Variants in ATP11A observed in about 807,000 individuals in gnomAD.
The protein encoded by ATP11A is ATPase phospholipid transporting 11A.
Under a neutral mutation model 154.4 loss-of-function variants are expected in ATP11A, and 81 were observed. That is an observed-to-expected ratio of 0.52 (90% CI 0.44 to 0.63). The LOEUF (loss-of-function observed/expected upper bound fraction) is 0.63, where lower values mean the gene tolerates loss of function less well. Among genes scored for constraint, ATP11A ranks in the 30% least tolerant of loss-of-function variants. The pLI is 0.00. For missense variants in ATP11A, 1,316 were observed against 1,474.3 expected (o/e 0.89, Z 1.76); for synonymous variants, 623 against 585.9 (o/e 1.06, Z -0.91).
At chr13:112,880,170 A>C (rs1278767) in intron 29 of ATP11A, 154,476 of 154,478 alleles carry the variant, frequency 1, 77,237 homozygotes, top group Non-Finnish European at 1. Flanking sequence ...TAGAGCGGTT[A>C]CTGGAGCTCG....
At chr13:112,801,567 A>C (rs2078132906) in intron 2 of ATP11A, among the ~76,000 whole-genome samples, 1 of 152,258 alleles carries the variant, frequency 6.6e-6, no homozygotes, top group African/African-American at 2.4e-5. Context: ...ATAACAAAAA[A>C]ACTTCTGGAT....
intron 1 of ATP11A, chr13:112,745,335 G>A (rs1892008333): frequency 6.6e-6 from 1 of 152,264 alleles, no homozygotes; most frequent in Admixed American, 6.5e-5. Flanking sequence ...AAAGTGTGGG[G>A]ATTACAGGCG....
intron 2 of ATP11A, among the ~76,000 whole-genome samples, chr13:112,803,793 CTT>C (rs2078210370): frequency 9.4e-6 from 1 of 106,100 alleles, no homozygotes; most frequent in African/African-American, 4.0e-5. Context: ...CCCTCCCTGC[CTT>C]ACTTCCCCTC....
At chr13:112,779,890 G>A (rs2077456140) in intron 1 of ATP11A, among the ~76,000 whole-genome samples, 1 of 151,230 alleles carries the variant, frequency 6.6e-6, no homozygotes, top group African/African-American at 2.4e-5. Context: ...GGTGATGAGA[G>A]CAAAACTCTG....
At chr13:112,797,763 A>G (rs2078038827) in intron 2 of ATP11A, among the ~76,000 whole-genome samples, 1 of 152,262 alleles carries the variant, frequency 6.6e-6, no homozygotes, top group Non-Finnish European at 1.5e-5. Context: ...CCTCCCTTGC[A>G]AGAAATGTTA....
At chr13:112,763,010 A>G (rs189197025) in intron 1 of ATP11A, among the ~76,000 whole-genome samples, 2 of 152,322 alleles carry the variant, frequency 1.3e-5, no homozygotes, top group Admixed American at 1.3e-4. Flanking sequence ...TTAATTTCAA[A>G]AAGCATTTGA....
intron 1 of ATP11A, among the ~76,000 whole-genome samples, chr13:112,752,481 C>T (rs922404486): frequency 9.2e-5 from 14 of 152,116 alleles, no homozygotes; most frequent in Non-Finnish European, 1.6e-4. Context: ...GCCTGGTGGG[C>T]GCCCCTGTGC....
chr13:112,757,816 G>A (rs1013317880), intron 1 of ATP11A, among the ~76,000 whole-genome samples: 1 of 152,194 alleles, frequency 6.6e-6, no homozygotes, highest in Non-Finnish European at 1.5e-5. Context: ...TGAGTGTTTC[G>A]CTGCAGTCTG....
At position 112,825,441 on chromosome 13, in the gene ATP11A, C is replaced by T. The variant is rs1417105477; in HGVS notation, c.884C>T (p.Ala295Val). Residue 295 changes from alanine to valine, a missense_variant, in exon 11 of 30, where the codon GCG (alanine) becomes GTG (valine). Physicochemically the swap from Ala to Val is moderately conservative, Grantham distance 64. Transcript: ENST00000375645. The part of the protein sequence containing the change: ...KRSAVEKSMN[A>V]FLIVYLCILI... The stretch of plus-strand genomic sequence containing the variant: ...TCCTTTTGTTTTAGATCGATGAATG[C>T]GTTCCTCATTGTGTATCTCTGCATT... 10 of 1,610,798 alleles carry T rather than the reference C, an allele frequency of 6.2e-6. No individual in the cohort carries two copies. Among genetic ancestry groups the T allele is most frequent in the Non-Finnish European group, 4.2e-6 (5 of 1,178,546 alleles).
rs1183906193 is a variant in ATP11A at position 112,842,281 on chromosome 13, A to C, written c.1711A>C (p.Ile571Leu). The C allele has an allele frequency of 6.8e-6, 11 of 1,607,906 alleles. No individual in the cohort carries two copies. Among genetic ancestry groups the C allele is most frequent in the Middle Eastern group, 1.6e-4 (1 of 6,080 alleles). Residue 571 changes from isoleucine (I) to leucine (L), a missense_variant, in exon 17 of 30, where the codon ATT becomes CTT. By Grantham distance (5) the Ile-to-Leu change is conservative. Transcript: ENST00000375645. The stretch of plus-strand genomic sequence containing the variant: ...TCATTTTTCTCATTTTGTAGGAGAA[A>C]TTTATCTGTTTTGCAAAGGAGCAGA... ...SVIVKSATGE[I>L]YLFCKGADSS...
chr13:112,864,098 C>T (rs1334101143), intron 25 of ATP11A, among the ~76,000 whole-genome samples: 8 of 86,422 alleles, frequency 9.3e-5, no homozygotes, highest in Admixed American at 1.4e-4. Context: ...TCAGCGGGGT[C>T]CATCACCACC....
intron 1 of ATP11A, among the ~76,000 whole-genome samples, chr13:112,771,828 CAACA>C (rs1364673592): frequency 6.6e-6 from 1 of 152,174 alleles, no homozygotes; most frequent in Non-Finnish European, 1.5e-5. Context: ...AAACACTCCA[CAACA>C]AACAAAGTAA....
chr13:112,693,794 A>T (rs1221652734), intron 1 of ATP11A, among the ~76,000 whole-genome samples: 1 of 152,148 alleles, frequency 6.6e-6, no homozygotes, highest in East Asian at 1.9e-4. Flanking sequence ...TCTACTAAAA[A>T]TACAAAAATT....
intron 17 of ATP11A, among the ~76,000 whole-genome samples, chr13:112,844,887 C>T (rs1482802875): frequency 1.3e-5 from 2 of 151,618 alleles, no homozygotes; most frequent in Non-Finnish European, 2.9e-5. Context: ...GTCCAGTTGC[C>T]GACTGCTAGC....
At chr13:112,874,814 G>A (rs1192554769) in intron 27 of ATP11A, among the ~76,000 whole-genome samples, 2 of 152,194 alleles carry the variant, frequency 1.3e-5, no homozygotes, top group East Asian at 3.9e-4. Context: ...CGGCTCTGGA[G>A]AGCCCGGCCA....
chr13:112,863,877 G>A (rs569225335), intron 25 of ATP11A, among the ~76,000 whole-genome samples: 5 of 90,044 alleles, frequency 5.6e-5, no homozygotes, highest in South Asian at 4.1e-4. Flanking sequence ...GCTTCCCAGC[G>A]GGGTCCATCA....
At position 112,732,062 on chromosome 13, in the gene ATP11A, T is replaced by C. The variant is rs140740109; in HGVS notation, c.39+41607T>C. On this transcript the variant is annotated intron_variant, in intron 1 of 29. Coordinates refer to ENST00000375645, the MANE Select transcript of ATP11A (RefSeq NM_015205.3). Reference sequence around the variant, plus strand: ...TACCTGCACCTACGGTGTTGTGCAGTGAGTAAAAGGCTCCGGCATGAGTTC... The same window carrying C: ...TACCTGCACCTACGGTGTTGTGCAGCGAGTAAAAGGCTCCGGCATGAGTTC... Among the ~76,000 whole-genome samples, 593 of 152,090 alleles carry C rather than the reference T, an allele frequency of 3.9e-3. 3 individuals are homozygous for C. Among genetic ancestry groups the C allele is most frequent in the African/African-American group, 0.014 (566 of 41,454 alleles).
chr13:112,865,558 T>C (rs1417448354), intron 25 of ATP11A, among the ~76,000 whole-genome samples: 2 of 152,218 alleles, frequency 1.3e-5, no homozygotes, highest in African/African-American at 2.4e-5. Flanking sequence ...GTTTTTTTGT[T>C]GTTGTTGTTG....
chr13:112,881,401 C>T, intron 29 of ATP11A: 1 of 1,042,186 alleles, frequency 9.6e-7, no homozygotes, highest in Non-Finnish European at 1.2e-6. Flanking sequence ...CCTGCCTTCC[C>T]TGGGGCAGTG....
Sources: allele counts gnomAD v4.1 joint callset (sites outside exome capture counted in the v4.1 genomes callset), GRCh38; gene constraint gnomAD v4.1.1; transcripts MANE v1.5; gene names NCBI Gene and HGNC (gene_info 2026-07-23, HGNC 2026-07-21).